The following GALNT8 variants were observed in gnomAD, a reference collection of about 807,000 sequenced individuals.
The protein encoded by GALNT8 is probable polypeptide N-acetylgalactosaminyltransferase 8.
A neutral mutation model predicts 62.7 loss-of-function variants in GALNT8; 66 were observed. The observed-to-expected ratio is 1.05, with a 90% CI of 0.86 to 1.29. The LOEUF (loss-of-function observed/expected upper bound fraction) is 1.29, where lower values mean the gene tolerates loss of function less well. GALNT8 is among the 50% of genes most tolerant of loss of function. The pLI is 0.00. For synonymous variants in GALNT8, 288 were observed against 294.3 expected, an observed-to-expected ratio of 0.98 and a Z score of 0.22; for missense variants, 771 against 791.8, an observed-to-expected ratio of 0.97 and a Z score of 0.32.
intron 3 of GALNT8, among the ~76,000 whole-genome samples, chr12:4,739,984 G>A (rs1006120389): frequency 1.6e-4 from 25 of 151,992 alleles, no homozygotes; most frequent in African/African-American, 5.3e-4. Context: ...CCCCTCTTAT[G>A]CACCATGAAG....
At position 4,772,695 on chromosome 12, in the gene GALNT8, T is replaced by C. The variant is rs1591577751; in HGVS notation, c.*98T>C. On this transcript the variant is annotated 3_prime_UTR_variant, in exon 11 of 11. Transcript: ENST00000252318. ...TTCTTTCTCAATGAGAAAGAAAGCA[T>C]GTGTATGTCTGTTTATGGCGACTTC... 1 of 954,482 alleles carries C rather than the reference T, an allele frequency of 1.0e-6. No homozygotes were observed. Among genetic ancestry groups the C allele is most frequent in the Admixed American group, 2.1e-5 (1 of 47,050 alleles). The allele number at this position is 954,482 out of a possible 1,614,324, so 59.1% of individuals were successfully genotyped here. A position where few individuals can be genotyped will look rare whatever the true frequency, so the allele number is the denominator to read the frequency against.
At chr12:4,733,337 G>A (rs1471707858) in intron 2 of GALNT8, among the ~76,000 whole-genome samples, 1 of 152,180 alleles carries the variant, frequency 6.6e-6, no homozygotes, top group Non-Finnish European at 1.5e-5. Flanking sequence ...AGGAGGGAGA[G>A]ATTATTCTTT....
chr12:4,733,258 G>A (rs1005713284), intron 2 of GALNT8, among the ~76,000 whole-genome samples: 5 of 152,174 alleles, frequency 3.3e-5, no homozygotes, highest in Admixed American at 6.5e-5. Context: ...AAAACATTTC[G>A]TCATTGCAGA....
Position 4,745,618 on chromosome 12 carries a change from C to T in GALNT8, c.1050C>T (p.Ala350=). 6.2e-7 allele frequency: 1 copy of T among 1,610,410 alleles called. No homozygotes were observed. Among genetic ancestry groups the T allele is most frequent in the Non-Finnish European group, 8.5e-7 (1 of 1,176,750 alleles). ...QAWIDLHDVT[A]PVKSPSIMGI... ...GGATTGATCTGCATGATGTCACTGC[C>T]CCAGTGAAGTAAGTCTGAGGAGATT... Residue 350 remains alanine (A), a synonymous_variant, in exon 5 of 11, where the codon GCC becomes GCT. Transcript: ENST00000252318.
intron 6 of GALNT8, among the ~76,000 whole-genome samples, chr12:4,748,727 T>A (rs1384505752): frequency 2.0e-5 from 3 of 152,174 alleles, no homozygotes; most frequent in African/African-American, 7.2e-5. Flanking sequence ...TCCACATAAA[T>A]TTTAGAATTG....
chr12:4,751,065 G>T (rs867164632), intron 6 of GALNT8, among the ~76,000 whole-genome samples: 1 of 152,118 alleles, frequency 6.6e-6, no homozygotes, highest in Non-Finnish European at 1.5e-5. Flanking sequence ...TGGGATAACT[G>T]GCTAGCCATA....
At chr12:4,728,858 G>A (rs1946208176) in intron 2 of GALNT8, among the ~76,000 whole-genome samples, 1 of 152,124 alleles carries the variant, frequency 6.6e-6, no homozygotes, top group Non-Finnish European at 1.5e-5. Context: ...ATTTCCATAT[G>A]AGTTTTAGGA....
chr12:4,755,215 T>C (rs1158855420), intron 6 of GALNT8, among the ~76,000 whole-genome samples: 2 of 152,212 alleles, frequency 1.3e-5, no homozygotes. Context: ...CAGGCTTACT[T>C]AGAGACTCAA....
At chr12:4,757,885 G>A (rs576435944) in intron 6 of GALNT8, among the ~76,000 whole-genome samples, 14 of 152,240 alleles carry the variant, frequency 9.2e-5, no homozygotes, top group African/African-American at 2.9e-4. Flanking sequence ...TAGTTACACT[G>A]TGGCTAGGTT....
In GALNT8 at chr12:4,728,941, A is replaced by T. The variant is rs1490396578; in HGVS notation, c.509+2112A>T. 3.3e-5 allele frequency among the ~76,000 whole-genome samples: 5 copies of T among 152,162 alleles called. No homozygotes were observed. In the East Asian group the frequency reaches 9.6e-4, roughly 29 times the overall value. On this transcript the variant is annotated intron_variant, in intron 2 of 10. Transcript: ENST00000252318. ...TTTCATTAACTCTGTAGCTCTGCAG[A>T]TCTGTAGATTTGTGGAGGACTTCAT... is the stretch of plus-strand genomic sequence containing the variant.
rs1443603974 is a variant in GALNT8 at position 4,726,831 on chromosome 12, T to G, written c.509+2T>G. On this transcript the variant is annotated splice_donor_variant, in intron 2 of 10. Coordinates refer to ENST00000252318, the MANE Select transcript of GALNT8 (RefSeq NM_017417.2). LOFTEE classifies it high-confidence loss of function. The surrounding 1 kb of genome is among the most constrained non-coding windows in gnomAD (Gnocchi z 4.1). ...CATCCCCGACACGCGAGACTACAGG[T>G]GGGATGAACCAGGCTTGGGCTTCTA... is the stretch of plus-strand genomic sequence containing the variant. 6.2e-7 allele frequency: 1 copy of G among 1,606,772 alleles called. No homozygotes were observed. Among genetic ancestry groups the G allele is most frequent in the South Asian group, 1.1e-5 (1 of 90,054 alleles).
intron 1 of GALNT8, 77 bp downstream of exon 1, chr12:4,720,965 A>C: frequency 1.1e-6 from 1 of 869,966 alleles, no homozygotes; most frequent in Non-Finnish European, 1.9e-6. Context: ...AGGGATATGG[A>C]AGGAAAAATG....
intron 2 of GALNT8, among the ~76,000 whole-genome samples, chr12:4,738,647 G>C (rs1946256514): frequency 6.6e-6 from 1 of 152,094 alleles, no homozygotes; most frequent in Non-Finnish European, 1.5e-5. Flanking sequence ...TGATATTGTG[G>C]GTGCGTGCCT....
At chr12:4,741,111 A>C (rs555599173) in intron 3 of GALNT8, among the ~76,000 whole-genome samples, 77 of 152,340 alleles carry the variant, frequency 5.1e-4, no homozygotes, top group African/African-American at 1.7e-3. Context: ...CATTGGAGGC[A>C]GAATATGTTC....
intron 1 of GALNT8, among the ~76,000 whole-genome samples, chr12:4,724,286 T>C (rs1327705425): frequency 6.6e-6 from 1 of 152,210 alleles, no homozygotes; most frequent in Non-Finnish European, 1.5e-5. Context: ...TAAGCCAGTT[T>C]TCTGGAACCT....
Position 4,763,399 on chromosome 12 carries a change from T to C in GALNT8, c.1497+9T>C. The C allele has an allele frequency of 1.2e-6, 2 of 1,604,764 alleles. No individual in the cohort carries two copies. Among genetic ancestry groups the C allele is most frequent in the Non-Finnish European group, 8.5e-7 (1 of 1,173,890 alleles). On this transcript the variant is annotated intron_variant, in intron 8 of 10. Coordinates refer to ENST00000252318, the MANE Select transcript of GALNT8 (RefSeq NM_017417.2). The stretch of plus-strand genomic sequence containing the variant: ...TCGTGGGCTATGGAAGAGTATGTAT[T>C]ATGAAATTGCACTTTGGATTTTAAA...
At chr12:4,731,180 C>A (rs1039132379) in intron 2 of GALNT8, among the ~76,000 whole-genome samples, 5 of 152,074 alleles carry the variant, frequency 3.3e-5, no homozygotes, top group Non-Finnish European at 7.4e-5. Flanking sequence ...TTTCATTCAC[C>A]AGTATTTTAA....
At chr12:4,761,196 C>T (rs562315540) in intron 7 of GALNT8, 53 bp downstream of exon 7, 8 of 1,518,370 alleles carry the variant, frequency 5.3e-6, no homozygotes, top group Middle Eastern at 1.7e-4. Context: ...GAGGAGGTGG[C>T]GGTTATGTAA....
chr12:4,740,867 T>C (rs1305947761), intron 3 of GALNT8, among the ~76,000 whole-genome samples: 1 of 152,250 alleles, frequency 6.6e-6, no homozygotes, highest in Non-Finnish European at 1.5e-5. Flanking sequence ...GAACTGAGAT[T>C]TGACCATGAA....
Sources: gnomAD v4.1 joint callset for allele counts (sites outside exome capture counted in the v4.1 genomes callset) on GRCh38, gnomAD v4.1.1 for gene constraint, Gnocchi (gnomAD v3.1) non-coding constraint, MANE v1.5 for transcripts, NCBI Gene and HGNC (gene_info 2026-07-23, HGNC 2026-07-21) for gene names.